Variants in SAMD3 observed in about 807,000 individuals in gnomAD.
The protein encoded by SAMD3 is sterile alpha motif domain containing 3, also known as sterile alpha motif domain-containing protein 3.
SAMD3 carries 63 observed loss-of-function variants against 58.5 expected under a neutral mutation model. The ratio of observed to expected loss-of-function variants is 1.08; its 90% CI spans 0.88 to 1.33. The LOEUF (loss-of-function observed/expected upper bound fraction) is 1.33, where lower values mean the gene tolerates loss of function less well. Among genes scored for constraint, SAMD3 ranks in the 40% most tolerant of loss-of-function variants. The pLI is 0.00. For missense variants in SAMD3, 604 were observed against 608.4 expected (o/e 0.99, Z 0.08); for synonymous variants, 220 against 210.3 (o/e 1.05, Z -0.40).
rs1311105041 is a variant in SAMD3 at position 130,278,191 on chromosome 6, G to A, written c.-188+34787C>T. Among the ~76,000 whole-genome samples the A allele has an allele frequency of 3.9e-5, 6 of 152,262 alleles. No homozygotes were observed. In the East Asian group the frequency reaches 7.7e-4, roughly 20 times the overall value. On this transcript the variant is annotated intron_variant, in intron 2 of 13. Transcript: ENST00000368134. ...ATCCAATCTTGTGGACCCCACCCAGGAACTGATACAGCACAAGTAGACAGC... is the reference window on the plus strand; with the variant it reads ...ATCCAATCTTGTGGACCCCACCCAGAAACTGATACAGCACAAGTAGACAGC...
chr6:130,158,513 GTTAAATT>G (rs756996006), intron 8 of SAMD3, among the ~76,000 whole-genome samples: 15 of 152,030 alleles, frequency 9.9e-5, no homozygotes, highest in Non-Finnish European at 1.9e-4. Context: ...GGCTTAAGAA[GTTAAATT>G]TTAAGAGCAA....
At position 130,310,543 on chromosome 6, in the gene SAMD3, A is replaced by T. The variant is rs74991561; in HGVS notation, c.-188+2435T>A. On this transcript the variant is annotated intron_variant, in intron 2 of 13. Transcript: ENST00000368134. ...AAAATTCCACACATTGTACGTAGAT[A>T]TAGTTTTGGTTCTGAGCTGGGGAAC... Among the ~76,000 whole-genome samples the T allele has an allele frequency of 1.1e-3, 169 of 152,364 alleles. 1 individual carries two copies. The East Asian group carries it at 0.027, about 25-fold the overall frequency.
chr6:130,215,457 C>A (rs1582956521), intron 2 of SAMD3, 163 bp from the exon 3 acceptor site: 1 of 1,298,852 alleles, frequency 7.7e-7, no homozygotes. Context: ...AAATTGCTAA[C>A]AAAACACACA....
chr6:130,218,292 A>G (rs929956038), intron 1 of SAMD3, among the ~76,000 whole-genome samples: 3 of 152,234 alleles, frequency 2.0e-5, no homozygotes, highest in African/African-American at 7.2e-5. Flanking sequence ...AAGAAGGGCC[A>G]GTTCCTCCTC....
At chr6:130,158,840 G>A (rs1485217498) in intron 8 of SAMD3, among the ~76,000 whole-genome samples, 7 of 152,176 alleles carry the variant, frequency 4.6e-5, no homozygotes, top group Non-Finnish European at 1.0e-4. Context: ...TACACCCTAT[G>A]TAAATACAGG....
intron 2 of SAMD3, among the ~76,000 whole-genome samples, chr6:130,283,821 T>C (rs909527725): frequency 6.6e-6 from 1 of 152,096 alleles, no homozygotes; most frequent in Non-Finnish European, 1.5e-5. Context: ...AGTAAACATG[T>C]GGGTCAATAT....
chr6:130,287,241 G>A (rs1354078172), intron 2 of SAMD3, among the ~76,000 whole-genome samples: 1 of 152,086 alleles, frequency 6.6e-6, no homozygotes, highest in Non-Finnish European at 1.5e-5. Context: ...ACTTCTTTCT[G>A]CCTTGTTGCT....
intron 2 of SAMD3, among the ~76,000 whole-genome samples, chr6:130,306,094 C>T (rs1775903125): frequency 6.6e-6 from 1 of 152,160 alleles, no homozygotes; most frequent in Non-Finnish European, 1.5e-5. Flanking sequence ...GAAGCTCCAC[C>T]TTCCAATACT....
intron 8 of SAMD3, 149 bp from the exon 9 acceptor site, chr6:130,155,174 A>G (rs774952148): frequency 2.0e-5 from 12 of 598,916 alleles, no homozygotes; most frequent in Non-Finnish European, 3.3e-5. Context: ...ATAAATGGAC[A>G]GTCTTTAATG....
At chr6:130,194,348 GCTGT>G (rs1190030626) in intron 5 of SAMD3, among the ~76,000 whole-genome samples, 9 of 152,112 alleles carry the variant, frequency 5.9e-5, no homozygotes, top group African/African-American at 2.2e-4. Context: ...AGGTCAAAAG[GCTGT>G]CTTATTCTCA....
At chr6:130,308,901 T>G (rs1023160317) in intron 2 of SAMD3, among the ~76,000 whole-genome samples, 17 of 152,172 alleles carry the variant, frequency 1.1e-4, no homozygotes, top group Non-Finnish European at 7.3e-5. Context: ...AATGAAATAA[T>G]TCATAATTCT....
At chr6:130,329,463 G>T (rs1400680172) in intron 1 of SAMD3, among the ~76,000 whole-genome samples, 1 of 152,110 alleles carries the variant, frequency 6.6e-6, no homozygotes, top group Non-Finnish European at 1.5e-5. Flanking sequence ...TGGTTCAGTT[G>T]GTAGGAGTGT....
At chr6:130,323,631 C>A (rs1431766549) in intron 1 of SAMD3, among the ~76,000 whole-genome samples, 2 of 151,554 alleles carry the variant, frequency 1.3e-5, no homozygotes, top group African/African-American at 4.8e-5. Context: ...GGTGAAACAC[C>A]ATCTCTACTT....
At chr6:130,253,494 A>T (rs559944092) in intron 2 of SAMD3, among the ~76,000 whole-genome samples, 1 of 152,160 alleles carries the variant, frequency 6.6e-6, no homozygotes, top group African/African-American at 2.4e-5. Context: ...CTTAAAAATC[A>T]TTAACAATGT....
At chr6:130,232,711 C>T (rs1203705002) in intron 2 of SAMD3, among the ~76,000 whole-genome samples, 1 of 152,060 alleles carries the variant, frequency 6.6e-6, no homozygotes, top group African/African-American at 2.4e-5. Context: ...CATAACTGTA[C>T]CTGGTTCATA....
chr6:130,206,916 G>C (rs1453290795), intron 5 of SAMD3, among the ~76,000 whole-genome samples: 7 of 152,056 alleles, frequency 4.6e-5, no homozygotes, highest in African/African-American at 1.7e-4. Flanking sequence ...AGCATGATGA[G>C]GACAAAATGT....
intron 8 of SAMD3, among the ~76,000 whole-genome samples, chr6:130,155,696 T>A (rs953169298): frequency 6.6e-6 from 1 of 152,156 alleles, no homozygotes; most frequent in Non-Finnish European, 1.5e-5. Flanking sequence ...GTTGATCAAC[T>A]GTCTAGCTGA....
chr6:130,214,371 C>A lies in SAMD3; in HGVS notation c.235G>T (p.Ala79Ser), dbSNP rs781612209. 4 of 1,607,404 alleles carry A rather than the reference C, an allele frequency of 2.5e-6. No homozygotes were observed. The South Asian group carries it at 4.5e-5, about 18-fold the overall frequency. Residue 79 changes from alanine (A) to serine (S), a missense_variant, in exon 4 of 12, where the codon GCA (alanine) becomes TCA (serine). Physicochemically the swap from Ala to Ser is moderately conservative, Grantham distance 99. Transcript: ENST00000439090. ...GLKSPENPKKAALVMQTEAAR... is the reference protein window; with the variant it reads ...GLKSPENPKKSALVMQTEAAR... Reference sequence around the variant, plus strand: ...GCTTCTGTTTGCATGACCAGGGCTGCCTTTTTGGGGTTTTCTGGGGACTTC... The same window carrying A: ...GCTTCTGTTTGCATGACCAGGGCTGACTTTTTGGGGTTTTCTGGGGACTTC...
At chr6:130,305,179 G>A (rs916135072) in intron 2 of SAMD3, among the ~76,000 whole-genome samples, 10 of 151,692 alleles carry the variant, frequency 6.6e-5, no homozygotes, top group Non-Finnish European at 8.8e-5. Flanking sequence ...CAGGCAATCC[G>A]CCCACCTCAG....
Sources: gnomAD v4.1 joint callset for allele counts (sites outside exome capture counted in the v4.1 genomes callset) on GRCh38, gnomAD v4.1.1 for gene constraint, MANE v1.5 for transcripts, NCBI Gene and HGNC (gene_info 2026-07-23, HGNC 2026-07-21) for gene names.